ARHGAP29: variants seen among roughly 807,000 people sequenced by gnomAD.
The protein encoded by ARHGAP29 is Rho GTPase activating protein 29, also known as rho GTPase-activating protein 29.
ARHGAP29 carries 43 observed loss-of-function variants against 122.6 expected under a neutral mutation model. The observed-to-expected ratio is 0.35, with a 90% CI of 0.27 to 0.45. The LOEUF (loss-of-function observed/expected upper bound fraction) is 0.45. Ranked by LOEUF, ARHGAP29 falls within the 20% of genes least tolerant of loss-of-function variation. The probability of loss-of-function intolerance (pLI) is 1.00; values close to 1 mark genes in which losing one functional copy is unlikely to be tolerated. For missense variants in ARHGAP29, 1,303 were observed against 1,477.2 expected (o/e 0.88, Z 1.93); for synonymous variants, 506 against 497.1 (o/e 1.02, Z -0.24).
chr1:94,258,840 A>C (rs970295536), intron 1 of ARHGAP29, among the ~76,000 whole-genome samples: 1 of 152,226 alleles, frequency 6.6e-6, no homozygotes, highest in Non-Finnish European at 1.5e-5. Flanking sequence ...CCCAGCTAGT[A>C]AGTGGCAAAA....
At chr1:94,206,576 G>T (rs1651205203) in intron 5 of ARHGAP29, among the ~76,000 whole-genome samples, 1 of 152,136 alleles carries the variant, frequency 6.6e-6, no homozygotes, top group Non-Finnish European at 1.5e-5. Context: ...CTAGCGCAAG[G>T]CATGGTACAT....
the ARHGAP29 span, among the ~76,000 whole-genome samples, chr1:94,297,682 C>T: frequency 1.3e-5 from 2 of 152,162 alleles, no homozygotes; most frequent in African/African-American, 4.8e-5. Context: ...GTCTCAATAA[C>T]TGACTGGTCA....
upstream of ARHGAP29, among the ~76,000 whole-genome samples, chr1:94,278,469 T>C (rs1655258444): frequency 1.3e-5 from 2 of 152,224 alleles, no homozygotes; most frequent in African/African-American, 4.8e-5. Context: ...GAGATTCATG[T>C]AAACATGTCT....
intron 3 of ARHGAP29, among the ~76,000 whole-genome samples, chr1:94,218,680 A>G (rs749063783): frequency 5.9e-5 from 9 of 152,244 alleles, no homozygotes; most frequent in Non-Finnish European, 8.8e-5. Context: ...TTTAAAAGTC[A>G]GGACAGAAGA....
intron 1 of ARHGAP29, among the ~76,000 whole-genome samples, chr1:94,258,988 C>T (rs1654463151): frequency 6.6e-6 from 1 of 152,116 alleles, no homozygotes; most frequent in Admixed American, 6.5e-5. Flanking sequence ...CATTTTTGAG[C>T]TCTTGTCACC....
chr1:94,312,685 G>A, the ARHGAP29 span, among the ~76,000 whole-genome samples: 2 of 152,188 alleles, frequency 1.3e-5, no homozygotes, highest in East Asian at 3.9e-4. Context: ...ATCCACCTCA[G>A]CCTCCCAAAG....
chr1:94,256,263 C>CAT (rs60834460), intron 1 of ARHGAP29, among the ~76,000 whole-genome samples: 97,677 of 151,712 alleles, frequency 0.64, 31,562 homozygotes, highest in Middle Eastern at 0.79. Context: ...CAAGGAATGA[C>CAT]TTTCTGTATT....
At chr1:94,209,966 T>C (rs558187647) in intron 3 of ARHGAP29, among the ~76,000 whole-genome samples, 13 of 152,328 alleles carry the variant, frequency 8.5e-5, no homozygotes, top group African/African-American at 1.4e-4. Flanking sequence ...TCCATGTTAA[T>C]TGACATACAG....
At chr1:94,217,121 A>G (rs1285041685) in intron 3 of ARHGAP29, among the ~76,000 whole-genome samples, 1 of 152,188 alleles carries the variant, frequency 6.6e-6, no homozygotes, top group Admixed American at 6.5e-5. Flanking sequence ...TTCTAAAGTT[A>G]TTCTGTATTT....
intron 3 of ARHGAP29, among the ~76,000 whole-genome samples, chr1:94,214,154 C>T (rs761565884): frequency 6.6e-6 from 1 of 152,168 alleles, no homozygotes; most frequent in Non-Finnish European, 1.5e-5. Flanking sequence ...TACCTAACTT[C>T]AATTTCCTCA....
At chr1:94,184,018 C>T (rs1321138631) in intron 19 of ARHGAP29, 133 bp downstream of exon 19, 6 of 960,712 alleles carry the variant, frequency 6.2e-6, no homozygotes, top group Non-Finnish European at 9.5e-6. Context: ...GACCTATGCA[C>T]TAATCATTAG....
chr1:94,188,384 A>G (rs140942117), intron 15 of ARHGAP29, among the ~76,000 whole-genome samples: 188 of 152,266 alleles, frequency 1.2e-3, no homozygotes, highest in African/African-American at 4.4e-3. Context: ...TGACAATTAT[A>G]TTCACAGAAT....
chr1:94,200,157 C>G (rs556230681), intron 12 of ARHGAP29, among the ~76,000 whole-genome samples: 4 of 152,252 alleles, frequency 2.6e-5, no homozygotes, highest in Admixed American at 2.0e-4. Context: ...ATTAAAACCT[C>G]TTTCTCCCCA....
chr1:94,254,086 TAGA>T (rs1488754767), intron 1 of ARHGAP29, among the ~76,000 whole-genome samples: 1 of 152,232 alleles, frequency 6.6e-6, no homozygotes, highest in Non-Finnish European at 1.5e-5. Context: ...TGGCTTAAAT[TAGA>T]AGAAGGCAAA....
At chr1:94,178,253 G>A in intron 20 of ARHGAP29, 86 bp from the exon 21 acceptor site, 4 of 1,311,398 alleles carry the variant, frequency 3.1e-6, no homozygotes, top group South Asian at 1.5e-5. Context: ...AGAGGGTGGA[G>A]GGAAAATGAG....
At chr1:94,294,546 A>G in the ARHGAP29 span, among the ~76,000 whole-genome samples, 1 of 152,180 alleles carries the variant, frequency 6.6e-6, no homozygotes, top group Non-Finnish European at 1.5e-5. Context: ...TAGGCCTCCC[A>G]AAGTACTGGG....
chr1:94,194,277 CAGG>C (rs1219733450), intron 12 of ARHGAP29: 1 of 152,182 alleles, frequency 6.6e-6, no homozygotes, highest in African/African-American at 2.4e-5. Flanking sequence ...ACTACACTTT[CAGG>C]TAACTAGTAA....
At chr1:94,202,828 A>G in intron 10 of ARHGAP29, 90 bp downstream of exon 10, 1 of 1,537,524 alleles carries the variant, frequency 6.5e-7, no homozygotes, top group Non-Finnish European at 8.8e-7. Context: ...ACAATATTTT[A>G]GAAAAATGAG....
chr1:94,191,728 C>T (rs1650143182), intron 12 of ARHGAP29: 1 of 152,086 alleles, frequency 6.6e-6, no homozygotes, highest in South Asian at 2.1e-4. Context: ...GGATCTTGTC[C>T]AAATGTAGAT....
Sources: allele counts gnomAD v4.1 joint callset (sites outside exome capture counted in the v4.1 genomes callset), GRCh38; gene constraint gnomAD v4.1.1; transcripts MANE v1.5; gene names NCBI Gene and HGNC (gene_info 2026-07-23, HGNC 2026-07-21).